KCNIP4: variants seen among roughly 807,000 people sequenced by gnomAD.
The protein encoded by KCNIP4 is potassium voltage-gated channel interacting protein 4.
Under a neutral mutation model 34.0 loss-of-function variants are expected in KCNIP4, and 12 were observed. The ratio of observed to expected loss-of-function variants is 0.35; its 90% CI spans 0.23 to 0.57. The LOEUF (loss-of-function observed/expected upper bound fraction) is 0.57, where lower values mean the gene tolerates loss of function less well. KCNIP4 is among the 20% of genes least tolerant of loss of function. The pLI is 0.83. For missense variants in KCNIP4, 238 were observed against 311.7 expected (o/e 0.76, Z 1.78); for synonymous variants, 124 against 102.2 (o/e 1.21, Z -1.29).
At chr4:21,177,945 G>C (rs373501784) in intron 1 of KCNIP4, among the ~76,000 whole-genome samples, 1 of 151,208 alleles carries the variant, frequency 6.6e-6, no homozygotes, top group South Asian at 2.1e-4. Flanking sequence ...TGTTTTACAG[G>C]TTATTATACT....
intron 1 of KCNIP4, among the ~76,000 whole-genome samples, chr4:21,076,893 C>T (rs2109011904): frequency 6.6e-6 from 1 of 152,174 alleles, no homozygotes; most frequent in Non-Finnish European, 1.5e-5. Flanking sequence ...GAGGCCAAAG[C>T]AGGTGGATTG....
chr4:21,747,508 T>C (rs1716855737), intron 1 of KCNIP4, among the ~76,000 whole-genome samples: 1 of 152,070 alleles, frequency 6.6e-6, no homozygotes, highest in Admixed American at 6.6e-5. Context: ...GGTTATAGAG[T>C]ACTGTGCCAG....
chr4:21,299,075 G>GT (rs1560267789), intron 1 of KCNIP4, among the ~76,000 whole-genome samples: 1 of 151,962 alleles, frequency 6.6e-6, no homozygotes, highest in East Asian at 1.9e-4. Flanking sequence ...TATCTAAAGC[G>GT]TAAGTGATTA....
At chr4:21,449,391 G>T (rs996152563) in intron 1 of KCNIP4, among the ~76,000 whole-genome samples, 4 of 152,036 alleles carry the variant, frequency 2.6e-5, no homozygotes, top group Non-Finnish European at 5.9e-5. Flanking sequence ...CCTCAAGATG[G>T]ATCATATTTA....
At chr4:21,146,157 G>A (rs1458450920) in intron 1 of KCNIP4, among the ~76,000 whole-genome samples, 1 of 152,190 alleles carries the variant, frequency 6.6e-6, no homozygotes, top group Non-Finnish European at 1.5e-5. Flanking sequence ...CCATCACTTT[G>A]GGAGGCTGAG....
intron 1 of KCNIP4, among the ~76,000 whole-genome samples, chr4:21,247,986 C>G (rs1356921544): frequency 1.9e-5 from 2 of 103,162 alleles, no homozygotes; most frequent in African/African-American, 1.2e-4. Flanking sequence ...TATATATACA[C>G]ACACACACAC....
At chr4:20,971,301 G>A (rs1734925699) in intron 1 of KCNIP4, among the ~76,000 whole-genome samples, 2 of 152,270 alleles carry the variant, frequency 1.3e-5, no homozygotes, top group South Asian at 4.1e-4. Context: ...ATTGAGATCA[G>A]ACAAGTATGT....
At chr4:20,823,383 C>T (rs116003576) in intron 3 of KCNIP4, among the ~76,000 whole-genome samples, 2,190 of 152,132 alleles carry the variant, frequency 0.014, 22 homozygotes, top group Middle Eastern at 0.051. Flanking sequence ...GTATCAATAG[C>T]GTTGCTATTT....
intron 3 of KCNIP4, among the ~76,000 whole-genome samples, chr4:20,817,300 C>T (rs1716523206): frequency 6.6e-6 from 1 of 152,136 alleles, no homozygotes; most frequent in Non-Finnish European, 1.5e-5. Flanking sequence ...ATTACATTTC[C>T]TAAAACCCTT....
At chr4:21,593,119 T>TGTG (rs1553908529) in intron 1 of KCNIP4, among the ~76,000 whole-genome samples, 2 of 134,872 alleles carry the variant, frequency 1.5e-5, no homozygotes, top group Non-Finnish European at 3.3e-5. Flanking sequence ...GTGTGTGTGT[T>TGTG]TGTGTGTGTG....
At chr4:20,768,152 G>T (rs562021371) in intron 3 of KCNIP4, among the ~76,000 whole-genome samples, 1 of 152,018 alleles carries the variant, frequency 6.6e-6, no homozygotes, top group East Asian at 1.9e-4. Flanking sequence ...TACAAGGCAG[G>T]GACTAACCTT....
At chr4:21,098,940 A>T (rs183129031) in intron 1 of KCNIP4, among the ~76,000 whole-genome samples, 23 of 152,340 alleles carry the variant, frequency 1.5e-4, no homozygotes, top group Admixed American at 1.3e-3. Flanking sequence ...ATCAGTCAGA[A>T]TGGCAATTAT....
intron 1 of KCNIP4, among the ~76,000 whole-genome samples, chr4:21,193,235 AT>A (rs1484447427): frequency 6.6e-6 from 1 of 152,100 alleles, no homozygotes; most frequent in African/African-American, 2.4e-5. Context: ...TGGACAAGCT[AT>A]TTTTTAGGAT....
At chr4:21,504,940 G>A (rs16871264) in intron 1 of KCNIP4, among the ~76,000 whole-genome samples, 1 of 152,080 alleles carries the variant, frequency 6.6e-6, no homozygotes, top group African/African-American at 2.4e-5. Context: ...TTTGTGGTAA[G>A]GTAGCCAATA....
chr4:21,381,575 C>A (rs1037366131), intron 1 of KCNIP4, among the ~76,000 whole-genome samples: 6 of 152,166 alleles, frequency 3.9e-5, no homozygotes, highest in African/African-American at 1.4e-4. Flanking sequence ...AGAGCTCAAC[C>A]ACTGAGCTGA....
At chr4:21,732,493 A>G (rs1177260292) in intron 1 of KCNIP4, among the ~76,000 whole-genome samples, 1 of 152,168 alleles carries the variant, frequency 6.6e-6, no homozygotes, top group East Asian at 1.9e-4. Flanking sequence ...AATTTCCACA[A>G]TAACTAAAAT....
chr4:21,126,793 G>C (rs1018997959), intron 1 of KCNIP4, among the ~76,000 whole-genome samples: 1 of 152,118 alleles, frequency 6.6e-6, no homozygotes, highest in Non-Finnish European at 1.5e-5. Flanking sequence ...CAAGTAGCAA[G>C]GGTGTCTTGA....
chr4:20,983,270 T>C (rs745929001), intron 1 of KCNIP4, among the ~76,000 whole-genome samples: 3 of 152,174 alleles, frequency 2.0e-5, no homozygotes, highest in Non-Finnish European at 4.4e-5. Flanking sequence ...GGAATGCAAA[T>C]GAAACACTTG....
intron 1 of KCNIP4, among the ~76,000 whole-genome samples, chr4:21,752,960 T>C (rs1002739329): frequency 3.3e-5 from 5 of 152,234 alleles, no homozygotes; most frequent in African/African-American, 1.2e-4. Flanking sequence ...AATACTTTAT[T>C]GACCATAAAA....
Sources: allele counts gnomAD v4.1 joint callset (sites outside exome capture counted in the v4.1 genomes callset), GRCh38; gene constraint gnomAD v4.1.1; transcripts MANE v1.5; gene names NCBI Gene and HGNC (gene_info 2026-07-23, HGNC 2026-07-21).